Variants in GALNT2 observed in about 807,000 individuals in gnomAD.
GALNT2 encodes the protein UDP-GalNAc:polypeptide N-acetylgalactosaminyltransferase 2.
Under a neutral mutation model 81.4 loss-of-function variants are expected in GALNT2, and 31 were observed. That is an observed-to-expected ratio of 0.38 (90% CI 0.29 to 0.51). The LOEUF (loss-of-function observed/expected upper bound fraction) is 0.51. Ranked by LOEUF, GALNT2 falls within the 20% of genes least tolerant of loss-of-function variation. The probability of loss-of-function intolerance (pLI) is 0.87; values close to 1 mark genes in which losing one functional copy is unlikely to be tolerated. For synonymous variants in GALNT2, 303 were observed against 287.4 expected (o/e 1.05, Z -0.55); for missense variants, 629 against 765.7 (o/e 0.82, Z 2.11).
chr1:230,259,493 A>G (rs1410994211), intron 11 of GALNT2: 1 of 152,204 alleles, frequency 6.6e-6, no homozygotes, highest in African/African-American at 2.4e-5. Context: ...TGGGAATTGC[A>G]ATAGAGAAAG....
At chr1:230,104,402 G>C (rs1224534920) in intron 1 of GALNT2, among the ~76,000 whole-genome samples, 1 of 152,232 alleles carries the variant, frequency 6.6e-6, no homozygotes, top group African/African-American at 2.4e-5. Context: ...GCCTCAAAGA[G>C]AGGCGGCTGT....
At chr1:230,203,095 C>A in intron 2 of GALNT2, 42 bp from the exon 3 acceptor site, 2 of 1,581,682 alleles carry the variant, frequency 1.3e-6, no homozygotes, top group South Asian at 2.3e-5. Flanking sequence ...AGCACTTGGT[C>A]ACATTTTCCC....
At chr1:230,099,363 C>T (rs930415044) in intron 1 of GALNT2, among the ~76,000 whole-genome samples, 6 of 152,278 alleles carry the variant, frequency 3.9e-5, no homozygotes, top group African/African-American at 1.4e-4. Flanking sequence ...ATGCCATGGT[C>T]AGATGTCTTG....
intron 1 of GALNT2, among the ~76,000 whole-genome samples, chr1:230,110,790 T>C (rs1194975522): frequency 1.3e-5 from 2 of 150,236 alleles, no homozygotes; most frequent in Non-Finnish European, 3.0e-5. Context: ...GCAAATACAT[T>C]GAGCATGAGT....
chr1:230,274,268 A>C (rs1261695777), intron 14 of GALNT2, among the ~76,000 whole-genome samples, 177 bp from the exon 15 acceptor site: 1 of 152,238 alleles, frequency 6.6e-6, no homozygotes, highest in Non-Finnish European at 1.5e-5. Flanking sequence ...CACATCTCTG[A>C]TGTTATAAAT....
chr1:230,112,649 T>A (rs574582501), intron 1 of GALNT2, among the ~76,000 whole-genome samples: 1 of 152,112 alleles, frequency 6.6e-6, no homozygotes, highest in African/African-American at 2.4e-5. Context: ...CCTTTTCTCT[T>A]GTTTGTGGGG....
chr1:230,250,695 T>C (rs2102748648), intron 10 of GALNT2, 135 bp downstream of exon 10: 1 of 590,158 alleles, frequency 1.7e-6, no homozygotes, highest in South Asian at 2.3e-5. Flanking sequence ...CAAACACATA[T>C]GTAACACCCC....
chr1:230,061,673 T>A (rs1659051948), intron 1 of GALNT2, among the ~76,000 whole-genome samples: 1 of 152,186 alleles, frequency 6.6e-6, no homozygotes, highest in African/African-American at 2.4e-5. Flanking sequence ...AAAAACAGTA[T>A]ACTCAGAGAA....
At chr1:230,272,431 G>GAAA (rs1197708191) in intron 14 of GALNT2, among the ~76,000 whole-genome samples, 2 of 152,154 alleles carry the variant, frequency 1.3e-5, no homozygotes, top group Non-Finnish European at 2.9e-5. Flanking sequence ...ATTTCCGAGA[G>GAAA]ATAAACACAG....
chr1:230,058,187 C>G (rs1658962097), intron 1 of GALNT2: 1 of 447,778 alleles, frequency 2.2e-6, no homozygotes, highest in Admixed American at 2.4e-5. Flanking sequence ...TGGCCTCCTC[C>G]TTCCTAGGCC....
intron 2 of GALNT2, among the ~76,000 whole-genome samples, chr1:230,180,119 A>G (rs1572055805): frequency 6.6e-6 from 1 of 152,100 alleles, no homozygotes; most frequent in Non-Finnish European, 1.5e-5. Context: ...GCGTTTTGCC[A>G]TGTTGGCCAG....
At chr1:230,096,952 A>G (rs538211649) in intron 1 of GALNT2, among the ~76,000 whole-genome samples, 47 of 152,348 alleles carry the variant, frequency 3.1e-4, no homozygotes, top group African/African-American at 1.1e-3. Context: ...AGCAAACACA[A>G]TGATTCCCTC....
At position 230,236,420 on chromosome 1, in the gene GALNT2, C is replaced by G. The variant is rs537078461; in HGVS notation, c.541C>G (p.Pro181Ala). The G allele has an allele frequency of 3.7e-6, 6 of 1,613,696 alleles. No individual in the cohort carries two copies. The East Asian group carries it at 8.9e-5, about 24-fold the overall frequency. The change falls in exon 5 of 16, where the codon CCT becomes GCT. Residue 181 changes from proline (P) to alanine (A), a missense_variant and splice_region_variant. Pro to Ala is a conservative substitution (Grantham distance 27, BLOSUM62 -1). Around this residue, in one of 3 missense-constraint regions of GALNT2, gnomAD observed 360 missense variants for 492.8 expected, o/e 0.73. Coordinates refer to ENST00000366672, the MANE Select transcript of GALNT2 (RefSeq NM_004481.5). ...CTTGGTGGATGACTACAGCAATGAT[C>G]GTGAGTACTGACACTGATTTTATCC... Reference protein sequence around the residue: ...IILVDDYSNDPEDGALLGKIE... With the variant: ...IILVDDYSNDAEDGALLGKIE...
At chr1:230,128,640 G>A (rs1408622574) in intron 1 of GALNT2, among the ~76,000 whole-genome samples, 1 of 151,968 alleles carries the variant, frequency 6.6e-6, no homozygotes, top group Non-Finnish European at 1.5e-5. Flanking sequence ...GGTGGTTGGG[G>A]GGAGGTAGGC....
intron 1 of GALNT2, among the ~76,000 whole-genome samples, chr1:230,086,062 C>G (rs745593828): frequency 1.3e-5 from 2 of 152,210 alleles, no homozygotes; most frequent in Non-Finnish European, 1.5e-5. Context: ...CAGAAACGTG[C>G]TGAGAGATTT....
In GALNT2 at chr1:230,250,530, A is replaced by G; in HGVS notation, c.979A>G (p.Met327Val). 1 of 1,613,554 alleles carries G rather than the reference A, an allele frequency of 6.2e-7. No homozygotes were observed. Among genetic ancestry groups the G allele is most frequent in the Non-Finnish European group, 8.5e-7 (1 of 1,179,752 alleles). ...YFEELGKYDM[M>V]MDVWGGENLE... Reference sequence around the variant, plus strand: ...TGAAGAACTGGGGAAGTACGACATGATGATGGATGTGTGGGGAGGAGAGAA... The same window carrying G: ...TGAAGAACTGGGGAAGTACGACATGGTGATGGATGTGTGGGGAGGAGAGAA... The change falls in exon 10 of 16, where the codon ATG becomes GTG. Residue 327 changes from methionine to valine, a missense_variant. Met to Val is a conservative substitution (Grantham distance 21). This residue lies in a region of GALNT2 where 360 missense variants were observed against 492.8 expected (regional missense o/e 0.73). Coordinates refer to ENST00000366672, the MANE Select transcript of GALNT2 (RefSeq NM_004481.5).
chr1:230,202,605 T>C (rs1663925200), intron 2 of GALNT2, among the ~76,000 whole-genome samples: 1 of 152,240 alleles, frequency 6.6e-6, no homozygotes. Flanking sequence ...GGGTCAGGCA[T>C]ACTAACAGCT....
chr1:230,112,967 C>T (rs780216197), intron 1 of GALNT2, among the ~76,000 whole-genome samples: 2 of 152,212 alleles, frequency 1.3e-5, no homozygotes, highest in African/African-American at 2.4e-5. Context: ...GCTCTGCTGC[C>T]TGTTGAGCGT....
intron 2 of GALNT2, among the ~76,000 whole-genome samples, chr1:230,195,771 C>G (rs1367001940): frequency 6.6e-6 from 1 of 152,140 alleles, no homozygotes; most frequent in African/African-American, 2.4e-5. Context: ...ACCGTGGCTC[C>G]TCCTGGAGGA....
Sources: gnomAD v4.1 joint callset for allele counts (sites outside exome capture counted in the v4.1 genomes callset) on GRCh38, gnomAD v4.1.1 for gene constraint, gnomAD v4.1.1 regional missense constraint, MANE v1.5 for transcripts, NCBI Gene and HGNC (gene_info 2026-07-23, HGNC 2026-07-21) for gene names.